Variants in CTNNA2 observed in about 807,000 individuals in gnomAD.
The protein encoded by CTNNA2 is catenin alpha 2, also known as catenin alpha-2.
A neutral mutation model predicts 101.0 loss-of-function variants in CTNNA2; 42 were observed. The observed-to-expected ratio is 0.42, with a 90% confidence interval of 0.32 to 0.54. The LOEUF (loss-of-function observed/expected upper bound fraction) is 0.54, where lower values mean the gene tolerates loss of function less well. CTNNA2 is among the 20% of genes least tolerant of loss of function. The pLI, the probability that CTNNA2 is intolerant of heterozygous loss-of-function variation, is 0.14. For missense variants in CTNNA2, 871 were observed against 1,223.1 expected (o/e 0.71, Z 4.29); for synonymous variants, 450 against 456.4 (o/e 0.99, Z 0.18).
At chr2:79,385,359 C>G (rs1678086188) in intron 4 of CTNNA2, among the ~76,000 whole-genome samples, 1 of 152,150 alleles carries the variant, frequency 6.6e-6, no homozygotes. Context: ...AATGTCACTT[C>G]TTCCGCCTAT....
At chr2:80,121,763 T>G (rs1181949153) in intron 7 of CTNNA2, among the ~76,000 whole-genome samples, 3 of 152,062 alleles carry the variant, frequency 2.0e-5, no homozygotes, top group Non-Finnish European at 4.4e-5. Flanking sequence ...CAAAGTAAAA[T>G]CTAACCCGGA....
chr2:80,216,556 A>G (rs1708279230), intron 7 of CTNNA2, among the ~76,000 whole-genome samples: 1 of 152,138 alleles, frequency 6.6e-6, no homozygotes, highest in Admixed American at 6.5e-5. Flanking sequence ...GTGCCTTTAT[A>G]AGAAGAAGCC....
intron 7 of CTNNA2, among the ~76,000 whole-genome samples, chr2:80,348,222 A>G (rs1481920295): frequency 6.6e-6 from 1 of 152,160 alleles, no homozygotes; most frequent in Non-Finnish European, 1.5e-5. Flanking sequence ...ACCAGAGACA[A>G]GTAAGTTATC....
At chr2:80,618,072 C>A (rs1699000076) in intron 17 of CTNNA2, among the ~76,000 whole-genome samples, 1 of 151,704 alleles carries the variant, frequency 6.6e-6, no homozygotes, top group African/African-American at 2.4e-5. Context: ...TAATCAATAA[C>A]TTTGAGTATT....
chr2:80,360,384 T>A (rs1428068521), intron 7 of CTNNA2, among the ~76,000 whole-genome samples: 1 of 152,102 alleles, frequency 6.6e-6, no homozygotes, highest in Non-Finnish European at 1.5e-5. Context: ...AAAATAATTG[T>A]CTAATTATCC....
chr2:79,956,636 C>G (rs937066233), intron 7 of CTNNA2, among the ~76,000 whole-genome samples: 2 of 152,074 alleles, frequency 1.3e-5, no homozygotes, highest in Non-Finnish European at 2.9e-5. Context: ...TTATCGAACC[C>G]ATTTTTCTGA....
chr2:80,643,458 T>A (rs1397366256), intron 18 of CTNNA2, among the ~76,000 whole-genome samples: 1 of 152,088 alleles, frequency 6.6e-6, no homozygotes, highest in Non-Finnish European at 1.5e-5. Flanking sequence ...ATTTGTTAAA[T>A]GTATGCCCTT....
intron 5 of CTNNA2, among the ~76,000 whole-genome samples, chr2:79,507,815 T>C (rs1671446751): frequency 6.6e-6 from 1 of 152,184 alleles, no homozygotes; most frequent in Non-Finnish European, 1.5e-5. Context: ...CATATAAGTG[T>C]GGGAAATGCT....
At chr2:79,511,603 G>C (rs79285146), upstream of CTNNA2, among the ~76,000 whole-genome samples, 5 of 151,924 alleles carry the variant, frequency 3.3e-5, no homozygotes, top group Non-Finnish European at 5.9e-5. Context: ...TTTTTCCCAG[G>C]AATTTTTAAA....
At chr2:80,095,169 A>AT (rs1449187153) in intron 7 of CTNNA2, among the ~76,000 whole-genome samples, 5 of 152,174 alleles carry the variant, frequency 3.3e-5, no homozygotes, top group Non-Finnish European at 7.3e-5. Flanking sequence ...TTATTTTGAG[A>AT]TATGTCCCAT....
chr2:80,136,653 T>C (rs1702714856), intron 7 of CTNNA2, among the ~76,000 whole-genome samples: 1 of 152,204 alleles, frequency 6.6e-6, no homozygotes, highest in East Asian at 1.9e-4. Context: ...GTTCCTTTCT[T>C]TGGTGACTTT....
chr2:80,473,619 G>A (rs757184370), intron 9 of CTNNA2, among the ~76,000 whole-genome samples: 1 of 152,178 alleles, frequency 6.6e-6, no homozygotes, highest in Non-Finnish European at 1.5e-5. Flanking sequence ...GAAAGCTCCA[G>A]ACTCTGGCAT....
At chr2:80,098,999 TTGCACCCACTGTCC>T (rs1022895729) in intron 7 of CTNNA2, among the ~76,000 whole-genome samples, 13 of 151,806 alleles carry the variant, frequency 8.6e-5, no homozygotes, top group Admixed American at 4.6e-4. Flanking sequence ...GCACGGTGCA[TTGCACCCACTGTCC>T]TGCACCCACT....
At chr2:80,043,540 G>T (rs1292836319) in intron 7 of CTNNA2, among the ~76,000 whole-genome samples, 2 of 152,102 alleles carry the variant, frequency 1.3e-5, no homozygotes, top group Admixed American at 6.5e-5. Flanking sequence ...GATGGGCTCT[G>T]AATATAGATC....
At chr2:80,137,573 C>T (rs546799654) in intron 7 of CTNNA2, among the ~76,000 whole-genome samples, 4 of 152,034 alleles carry the variant, frequency 2.6e-5, no homozygotes, top group African/African-American at 7.2e-5. Context: ...TTTGAGGTCC[C>T]GTTAACTAAT....
chr2:80,442,905 G>A (rs1490310681), intron 9 of CTNNA2, among the ~76,000 whole-genome samples: 1 of 152,150 alleles, frequency 6.6e-6, no homozygotes, highest in East Asian at 1.9e-4. Context: ...AGCTCTGACT[G>A]GAGTCAAGAA....
At chr2:79,295,322 C>A (rs967043994) in intron 2 of CTNNA2, among the ~76,000 whole-genome samples, 1 of 152,022 alleles carries the variant, frequency 6.6e-6, no homozygotes, top group Non-Finnish European at 1.5e-5. Flanking sequence ...AAATTAAACA[C>A]CCTGAATTGG....
chr2:79,975,919 G>A (rs184969832), intron 7 of CTNNA2, among the ~76,000 whole-genome samples: 41 of 152,254 alleles, frequency 2.7e-4, no homozygotes, highest in Admixed American at 1.4e-3. Context: ...ACCATTGGCC[G>A]TTAGTGAGGC....
intron 4 of CTNNA2, among the ~76,000 whole-genome samples, chr2:79,412,265 A>C (rs1317887772): frequency 3.9e-5 from 6 of 152,088 alleles, no homozygotes; most frequent in Non-Finnish European, 7.3e-5. Flanking sequence ...GAGACCAACA[A>C]AGAGACTTAG....
Sources: allele counts gnomAD v4.1 joint callset (sites outside exome capture counted in the v4.1 genomes callset), GRCh38; gene constraint gnomAD v4.1.1; transcripts MANE v1.5; gene names NCBI Gene and HGNC (gene_info 2026-07-23, HGNC 2026-07-21).